RIF1: variants seen among roughly 807,000 people sequenced by gnomAD.
RIF1 encodes the protein telomere-associated protein RIF1.
Under a neutral mutation model 247.1 loss-of-function variants are expected in RIF1, and 45 were observed. The ratio of observed to expected loss-of-function variants is 0.18; its 90% CI spans 0.14 to 0.23. The LOEUF (loss-of-function observed/expected upper bound fraction) is 0.23, where lower values mean the gene tolerates loss of function less well. RIF1 is among the 10% of genes least tolerant of loss of function. The pLI is 1.00. For synonymous variants in RIF1, 1,087 were observed against 978.8 expected (o/e 1.11, Z -2.06); for missense variants, 2,967 against 2,862.5 (o/e 1.04, Z -0.83).
intron 9 of RIF1, chr2:151,491,642 ATGG>A: frequency 7.0e-7 from 1 of 1,437,656 alleles, no homozygotes; most frequent in Non-Finnish European, 9.6e-7. Context: ...AGCATACTAA[ATGG>A]TGATGTTTAT....
At chr2:151,459,066 C>T (rs1393965432) in intron 25 of RIF1, among the ~76,000 whole-genome samples, 156 bp downstream of exon 25, 5 of 152,168 alleles carry the variant, frequency 3.3e-5, no homozygotes, top group Admixed American at 3.3e-4. Context: ...TGTGATTTTT[C>T]ACTAGAGATT....
At chr2:151,468,597 A>C in intron 32 of RIF1, 44 bp from the exon 33 acceptor site, 1 of 1,603,190 alleles carries the variant, frequency 6.2e-7, no homozygotes, top group Non-Finnish European at 8.5e-7. Context: ...TTTCATGTTC[A>C]GTCAGTTGAC....
chr2:151,489,102 T>G (rs1206133329), intron 9 of RIF1, among the ~76,000 whole-genome samples: 2 of 152,204 alleles, frequency 1.3e-5, no homozygotes, highest in African/African-American at 2.4e-5. Context: ...TTGGTTTATT[T>G]CAGGGAAAAT....
intron 21 of RIF1, among the ~76,000 whole-genome samples, chr2:151,454,109 ACTTC>A (rs1437880093): frequency 6.6e-6 from 1 of 152,184 alleles, no homozygotes; most frequent in East Asian, 1.9e-4. Flanking sequence ...AGAAAGATCA[ACTTC>A]CTTTTAGTAG....
intron 30 of RIF1, among the ~76,000 whole-genome samples, chr2:151,467,454 C>T (rs1477352751): frequency 6.6e-6 from 1 of 151,976 alleles, no homozygotes; most frequent in Non-Finnish European, 1.5e-5. Context: ...AAGCGATTCT[C>T]CTGCCTCAGC....
chr2:151,486,305 C>G, downstream of RIF1: 1 of 188,852 alleles, frequency 5.3e-6, no homozygotes, highest in Non-Finnish European at 1.1e-5. Flanking sequence ...ATGAGATACC[C>G]CTTCACACAT....
chr2:151,451,564 C>A lies in RIF1; in HGVS notation c.2245-42C>A, dbSNP rs777300637. Reference sequence around the variant, plus strand: ...TTGCTTACTTTTGTTGAATACTGTCCCAGTACTTGAATGTTTCTAACAGTG... The same window carrying A: ...TTGCTTACTTTTGTTGAATACTGTCACAGTACTTGAATGTTTCTAACAGTG... On this transcript the variant is annotated intron_variant, in intron 20 of 35. Transcript: ENST00000444746. 4 of 925,888 alleles carry A rather than the reference C, an allele frequency of 4.3e-6. No homozygotes were observed. In the African/African-American group the frequency reaches 6.5e-5, roughly 15 times the overall value. The allele number at this position is 925,888 out of a possible 1,614,324, so 57.4% of individuals were successfully genotyped here.
chr2:151,436,129 G>C (rs1691151235), intron 11 of RIF1, among the ~76,000 whole-genome samples: 1 of 152,116 alleles, frequency 6.6e-6, no homozygotes, highest in African/African-American at 2.4e-5. Flanking sequence ...GGAGGCTGTG[G>C]CAGGAGAATT....
intron 30 of RIF1, among the ~76,000 whole-genome samples, chr2:151,466,445 G>A (rs1271110123): frequency 6.6e-6 from 1 of 152,108 alleles, no homozygotes; most frequent in Non-Finnish European, 1.5e-5. Flanking sequence ...AACAGATTTA[G>A]GAATGCAGGC....
At position 151,435,655 on chromosome 2, in the gene RIF1, G is replaced by GAA. The variant is rs34105266; in HGVS notation, c.1195+83_1195+84dup. On this transcript the variant is annotated intron_variant, in intron 11 of 35. Transcript: ENST00000444746. ...ACCTAGAAGCATAGTTTTGAAGTAG[G>GAA]AAAAAAAAAGGCTTTGAGAGGTTTT... 1.2e-5 allele frequency: 8 copies of GAA among 689,126 alleles called. No individual in the cohort carries two copies. The East Asian group carries it at 1.6e-4, about 14-fold the overall frequency. 42.7% of individuals were successfully genotyped at this position (689,126 alleles called of 1,614,324 possible). A position where few individuals can be genotyped will look rare whatever the true frequency, so the allele number is the denominator to read the frequency against.
At position 151,497,959 on chromosome 2, in the gene RIF1, T is replaced by G. The variant is rs1266153414; in HGVS notation, c.*514-1386T>G. On this transcript the variant is annotated intron_variant and NMD_transcript_variant, in intron 10 of 13. Coordinates refer to the RIF1 transcript ENST00000454583. ...AGTTATCCATGTTATTTTTTTTCAT[T>G]TTTGTGAGTACGGTGCCTCCTAAAC... The G allele has an allele frequency of 1.1e-5, 16 of 1,437,940 alleles. No individual in the cohort carries two copies. In the Admixed American group the frequency reaches 2.0e-4, roughly 18 times the overall value. 89.1% of individuals were successfully genotyped at this position (1,437,940 alleles called of 1,614,324 possible).
chr2:151,449,907 A>C (rs1693986606), intron 20 of RIF1, among the ~76,000 whole-genome samples: 1 of 146,894 alleles, frequency 6.8e-6, no homozygotes, highest in South Asian at 2.1e-4. Context: ...CAGTGGTGCG[A>C]TCTCGGCTCA....
At chr2:151,448,725 C>G (rs1251914614) in intron 20 of RIF1, among the ~76,000 whole-genome samples, 1 of 152,052 alleles carries the variant, frequency 6.6e-6, no homozygotes, top group Non-Finnish European at 1.5e-5. Context: ...TTGTTTATTT[C>G]TGTACTTTAT....
chr2:151,521,949 G>C, the RIF1 span, among the ~76,000 whole-genome samples: 9 of 152,156 alleles, frequency 5.9e-5, no homozygotes, highest in Non-Finnish European at 1.5e-5. Context: ...TTCTTGGAAT[G>C]GTGTTTGACT....
In RIF1 at chr2:151,441,941, A is replaced by G. The variant is rs1287631066; in HGVS notation, c.1684A>G (p.Lys562Glu). 2 of 1,569,588 alleles carry G rather than the reference A, an allele frequency of 1.3e-6. No individual in the cohort carries two copies. The highest frequency in any genetic ancestry group is 1.7e-6 in the Non-Finnish European group (2 of 1,151,524). Residue 562 changes from lysine to glutamate, a missense_variant, in exon 16 of 36, where the codon AAA (lysine) becomes GAA (glutamate). Around this residue, in one of 7 missense-constraint regions of RIF1, gnomAD observed 369 missense variants for 322.0 expected, o/e 1.15. Transcript: ENST00000444746. ...AATTACAATTAAAGGACTTCCTCAG[A>G]AAGTATTAGGTTCACCAGCATATCA... is the stretch of plus-strand genomic sequence containing the variant. The part of the protein sequence containing the change: ...MEITIKGLPQ[K>E]VLGSPAYQVA...
Position 151,498,330 on chromosome 2 carries a change from C to T in RIF1, c.*514-1015C>T, listed in dbSNP as rs766357828. 1.5e-5 allele frequency: 23 copies of T among 1,550,766 alleles called. No individual in the cohort carries two copies. The highest frequency in any genetic ancestry group is 1.7e-5 in the Non-Finnish European group (20 of 1,146,590). On this transcript the variant is annotated intron_variant and NMD_transcript_variant, in intron 10 of 13. Coordinates refer to the RIF1 transcript ENST00000454583. ...AGTGATGGGGATTGGAATTCCTGTC[C>T]CCAGGTTTTCTTTGTATAGCACCTG...
downstream of RIF1, among the ~76,000 whole-genome samples, chr2:151,482,740 C>G (rs74410679): frequency 6.6e-4 from 100 of 152,286 alleles, no homozygotes; most frequent in East Asian, 0.019. Flanking sequence ...GCTGCTGTAA[C>G]AGTACCACAA....
chr2:151,441,617 T>C (rs911281266), intron 15 of RIF1, among the ~76,000 whole-genome samples: 3 of 152,224 alleles, frequency 2.0e-5, no homozygotes, highest in Non-Finnish European at 4.4e-5. Context: ...TACTTACATA[T>C]ACAGAAATTT....
In RIF1 at chr2:151,473,991, C is replaced by G. The variant is rs774120551; in HGVS notation, c.7123C>G (p.Pro2375Ala). 5.0e-6 allele frequency: 8 copies of G among 1,595,036 alleles called. 1 individual carries two copies. In the South Asian group the frequency reaches 5.6e-5, roughly 11 times the overall value. The change falls in exon 35 of 36, where the codon CCA becomes GCA. Residue 2375 changes from proline (P) to alanine (A), a missense_variant. Around this residue, in one of 7 missense-constraint regions of RIF1, gnomAD observed 151 missense variants for 163.4 expected, o/e 0.92. Coordinates refer to ENST00000444746, the MANE Select transcript of RIF1 (RefSeq NM_018151.5). The part of the protein sequence containing the change: ...QVKTRGLEEI[P>A]VFDISEKTVN... ...GAAGACTCGTGGACTAGAAGAGATT[C>G]CAGTTTTTGATATTTCTGAAAAAAC...
Sources: gnomAD v4.1 joint callset for allele counts (sites outside exome capture counted in the v4.1 genomes callset) on GRCh38, gnomAD v4.1.1 for gene constraint, gnomAD v4.1.1 regional missense constraint, MANE v1.5 for transcripts, NCBI Gene and HGNC (gene_info 2026-07-23, HGNC 2026-07-21) for gene names.